DLGAP2: variants seen among roughly 807,000 people sequenced by gnomAD.
DLGAP2 encodes the protein disks large-associated protein 2.
Under a neutral mutation model 100.3 loss-of-function variants are expected in DLGAP2, and 26 were observed. The observed-to-expected ratio is 0.26, with a 90% CI of 0.19 to 0.36. The LOEUF is 0.36. Among genes scored for constraint, DLGAP2 ranks in the 10% least tolerant of loss-of-function variants. DLGAP2 has a pLI of 1.00. For synonymous variants in DLGAP2, 886 were observed against 630.1 expected, an observed-to-expected ratio of 1.41 and a Z score of -6.08; for missense variants, 1,858 against 1,453.2, an observed-to-expected ratio of 1.28 and a Z score of -4.53.
Position 1,702,529 on chromosome 8 carries a change from A to G in DLGAP2, c.*1123A>G, listed in dbSNP as rs1282277761. 1 of 152,642 alleles carries G rather than the reference A, an allele frequency of 6.6e-6. No homozygotes were observed. The highest frequency in any genetic ancestry group is 1.5e-5 in the Non-Finnish European group (1 of 68,048). The allele number at this position is 152,642 out of a possible 1,614,324, so 9.5% of individuals were successfully genotyped here. A position where few individuals can be genotyped will look rare whatever the true frequency, so the allele number is the denominator to read the frequency against. Reference sequence around the variant, plus strand: ...TTTCCAGAATTCTTTTGTCCTATGCAGTATTGCTAAAGTCGAGAATATATT... The same window carrying G: ...TTTCCAGAATTCTTTTGTCCTATGCGGTATTGCTAAAGTCGAGAATATATT... On this transcript the variant is annotated 3_prime_UTR_variant, in exon 15 of 15. Coordinates refer to ENST00000637795, the MANE Select transcript of DLGAP2 (RefSeq NM_001346810.2).
intron 1 of DLGAP2, among the ~76,000 whole-genome samples, chr8:897,545 A>G (rs1255450893): frequency 6.6e-6 from 1 of 152,224 alleles, no homozygotes; most frequent in East Asian, 1.9e-4. Flanking sequence ...TCTAATAAAC[A>G]TGGGCGCCCG....
At chr8:1,303,912 C>A (rs898934332) in intron 3 of DLGAP2, among the ~76,000 whole-genome samples, 1 of 152,154 alleles carries the variant, frequency 6.6e-6, no homozygotes, top group African/African-American at 2.4e-5. Flanking sequence ...ATTTTGAGGC[C>A]ATTCACCTCC....
chr8:980,775 G>A (rs754496240), intron 2 of DLGAP2, among the ~76,000 whole-genome samples: 5 of 152,246 alleles, frequency 3.3e-5, no homozygotes, highest in Admixed American at 6.5e-5. Flanking sequence ...ATGGGGGCTC[G>A]ACAGGTGGCA....
intron 2 of DLGAP2, among the ~76,000 whole-genome samples, chr8:972,626 T>A (rs1800042505): frequency 1.3e-5 from 2 of 151,996 alleles, no homozygotes; most frequent in African/African-American, 4.8e-5. Context: ...CTTATTTATT[T>A]ATTTATTTAT....
chr8:1,374,093 A>G (rs920893876), intron 3 of DLGAP2, among the ~76,000 whole-genome samples: 12 of 150,108 alleles, frequency 8.0e-5, no homozygotes, highest in Non-Finnish European at 1.2e-4. Context: ...AGGTTAGGTT[A>G]GGTTTGCAGA....
chr8:1,633,719 C>T (rs1401431434), intron 8 of DLGAP2, among the ~76,000 whole-genome samples: 1 of 151,994 alleles, frequency 6.6e-6, no homozygotes, highest in African/African-American at 2.4e-5. Flanking sequence ...AATAAAAGCT[C>T]GAGGCGCCGC....
chr8:1,388,788 G>C (rs1227448103), intron 3 of DLGAP2, among the ~76,000 whole-genome samples: 1 of 128,964 alleles, frequency 7.8e-6, no homozygotes, highest in African/African-American at 3.0e-5. Flanking sequence ...GCTGGTTCAA[G>C]TGTCAGGGCT....
intron 3 of DLGAP2, among the ~76,000 whole-genome samples, chr8:1,290,310 T>C (rs1422109725): frequency 6.6e-6 from 1 of 152,200 alleles, no homozygotes; most frequent in Non-Finnish European, 1.5e-5. Context: ...CATCGAGTTG[T>C]CATTTACAAC....
At chr8:800,178 G>C (rs1056849032) in intron 1 of DLGAP2, among the ~76,000 whole-genome samples, 1 of 152,204 alleles carries the variant, frequency 6.6e-6, no homozygotes, top group Non-Finnish European at 1.5e-5. Flanking sequence ...CTGTGCCCGA[G>C]GTGTGGGTCC....
intron 2 of DLGAP2, among the ~76,000 whole-genome samples, chr8:1,094,865 C>T (rs1304743521): frequency 6.6e-6 from 1 of 152,250 alleles, no homozygotes; most frequent in African/African-American, 2.4e-5. Flanking sequence ...GTCCTGACCC[C>T]TTGGGCGAGT....
intron 2 of DLGAP2, among the ~76,000 whole-genome samples, chr8:918,081 G>C (rs113743231): frequency 1.5e-4 from 23 of 152,134 alleles, no homozygotes; most frequent in Non-Finnish European, 2.9e-4. Flanking sequence ...TGGGAGCTAC[G>C]GGTGTAAAAT....
intron 3 of DLGAP2, among the ~76,000 whole-genome samples, chr8:1,383,221 G>GA (rs1304606662): frequency 6.6e-6 from 1 of 152,054 alleles, no homozygotes; most frequent in Admixed American, 6.5e-5. Flanking sequence ...TTTTTATTTT[G>GA]AAAAAAATAA....
chr8:1,410,031 G>A (rs918096497), intron 3 of DLGAP2, among the ~76,000 whole-genome samples: 1 of 152,188 alleles, frequency 6.6e-6, no homozygotes, highest in African/African-American at 2.4e-5. Flanking sequence ...GATACGTGCT[G>A]CAGGTGTGTA....
chr8:850,058 C>T (rs142407492), intron 1 of DLGAP2, among the ~76,000 whole-genome samples: 4 of 81,766 alleles, frequency 4.9e-5, no homozygotes, highest in African/African-American at 7.9e-5. Flanking sequence ...AGGAGACTGT[C>T]TAAAAAAAAA....
intron 3 of DLGAP2, among the ~76,000 whole-genome samples, chr8:1,475,814 A>T (rs1027331158): frequency 2.0e-5 from 3 of 152,120 alleles, no homozygotes; most frequent in African/African-American, 7.2e-5. Context: ...TTTATAGGAG[A>T]TCATTACTCT....
intron 2 of DLGAP2, among the ~76,000 whole-genome samples, chr8:1,036,501 G>T (rs4735970): frequency 2.6e-5 from 4 of 152,034 alleles, no homozygotes; most frequent in African/African-American, 9.7e-5. Flanking sequence ...GTCGGGGGAG[G>T]TTCTCTGCTT....
chr8:1,555,009 T>A (rs1801911446), intron 5 of DLGAP2, among the ~76,000 whole-genome samples: 1 of 152,204 alleles, frequency 6.6e-6, no homozygotes, highest in Non-Finnish European at 1.5e-5. Flanking sequence ...CCAGCCTGGC[T>A]GTGCTCCACT....
chr8:1,541,569 C>A (rs1307648610), intron 4 of DLGAP2, among the ~76,000 whole-genome samples: 5 of 152,126 alleles, frequency 3.3e-5, no homozygotes, highest in African/African-American at 1.2e-4. Flanking sequence ...TAAAGGCAAA[C>A]CTCAAACAGA....
chr8:907,612 C>T (rs1162498804), intron 1 of DLGAP2, among the ~76,000 whole-genome samples: 1 of 152,144 alleles, frequency 6.6e-6, no homozygotes, highest in African/African-American at 2.4e-5. Flanking sequence ...ATTGTGGGAG[C>T]CCCTGGAGTA....
Sources: gnomAD v4.1 joint callset for allele counts (sites outside exome capture counted in the v4.1 genomes callset) on GRCh38, gnomAD v4.1.1 for gene constraint, MANE v1.5 for transcripts, NCBI Gene and HGNC (gene_info 2026-07-23, HGNC 2026-07-21) for gene names.